Variants in SMPD3 observed in about 807,000 individuals in gnomAD.
SMPD3 encodes nSMase-2.
A neutral mutation model predicts 55.7 loss-of-function variants in SMPD3; 21 were observed. The observed-to-expected ratio is 0.38, with a 90% CI of 0.27 to 0.54. The LOEUF is 0.54. Among genes scored for constraint, SMPD3 ranks in the 20% least tolerant of loss-of-function variants. SMPD3 has a pLI of 0.80. For synonymous variants in SMPD3, 457 were observed against 404.3 expected (o/e 1.13, Z -1.56); for missense variants, 842 against 899.6 (o/e 0.94, Z 0.82).
intron 1 of SMPD3, among the ~76,000 whole-genome samples, chr16:68,406,936 G>A (rs1159428085): frequency 1.3e-5 from 2 of 152,190 alleles, no homozygotes; most frequent in Non-Finnish European, 2.9e-5. Context: ...ATGGGGGTAG[G>A]GCAGTAGAGA....
chr16:68,426,123 C>T lies in SMPD3; in HGVS notation c.-269+22230G>A, dbSNP rs182044458. On this transcript the variant is annotated intron_variant, in intron 1 of 8. Transcript: ENST00000219334. The stretch of plus-strand genomic sequence containing the variant: ...TTAGCCATCTTATCTACTACAGTAT[C>T]AATAATCCTGTTCCACTTTTGCAAG... 1.5e-4 allele frequency among the ~76,000 whole-genome samples: 23 copies of T among 152,254 alleles called. No individual in the cohort carries two copies. In the East Asian group the frequency reaches 3.3e-3, roughly 22 times the overall value.
At position 68,361,826 on chromosome 16, in the gene SMPD3, T is replaced by G. The variant is rs956723917; in HGVS notation, c.1710-67A>C. 1.9e-6 allele frequency: 3 copies of G among 1,540,062 alleles called. No homozygotes were observed. In the African/African-American group the frequency reaches 4.1e-5, roughly 21 times the overall value. On this transcript the variant is annotated intron_variant, in intron 7 of 8. Coordinates refer to ENST00000219334, the MANE Select transcript of SMPD3 (RefSeq NM_018667.4). ...CCCTGTGGGCCTGGCAGGGGCTGTG[T>G]GTGGAGCCATGGTCTCCTCCCAGTG...
In SMPD3 at chr16:68,358,579, A is replaced by C. The variant is rs7203660; in HGVS notation, c.*2627T>G. ...TACAGAAATTAAAAAAGTTTTTATA[A>C]CAGTATTTCTAAATCTCAGCAAGTT... On this transcript the variant is annotated 3_prime_UTR_variant, in exon 9 of 9. Coordinates refer to ENST00000219334, the MANE Select transcript of SMPD3 (RefSeq NM_018667.4). The C allele has an allele frequency of 0.071, 10,867 of 152,744 alleles. 1,153 individuals carry two copies. Among genetic ancestry groups the C allele is most frequent in the African/African-American group, 0.23 (9,663 of 41,544 alleles). The allele number at this position is 152,744 out of a possible 1,614,324, so 9.5% of individuals were successfully genotyped here. A position where few individuals can be genotyped will look rare whatever the true frequency, so the allele number is the denominator to read the frequency against.
chr16:68,405,408 C>G (rs894897572), intron 1 of SMPD3, among the ~76,000 whole-genome samples: 2 of 151,480 alleles, frequency 1.3e-5, no homozygotes, highest in Non-Finnish European at 2.9e-5. Flanking sequence ...AAAATTAGCC[C>G]ACGTGGTGGC....
At chr16:68,406,930 G>A (rs1236480275) in intron 1 of SMPD3, among the ~76,000 whole-genome samples, 1 of 152,182 alleles carries the variant, frequency 6.6e-6, no homozygotes, top group Admixed American at 6.5e-5. Context: ...CGGGGCATGG[G>A]GGTAGGGCAG....
At chr16:68,417,435 G>A (rs1335444962) in intron 1 of SMPD3, among the ~76,000 whole-genome samples, 2 of 152,156 alleles carry the variant, frequency 1.3e-5, no homozygotes, top group Non-Finnish European at 2.9e-5. Flanking sequence ...GCTATGCTGG[G>A]GCTGCTGACA....
At position 68,385,498 on chromosome 16, in the gene SMPD3, C is replaced by T. The variant is rs1278190062; in HGVS notation, c.-207+1100G>A. On this transcript the variant is annotated intron_variant, in intron 2 of 8. Transcript: ENST00000219334. The stretch of plus-strand genomic sequence containing the variant: ...ACTGAGCCATTGGTGAAAACTCCAA[C>T]GATCTTCTTCCTCCCTCCCTGCGAG... Among the ~76,000 whole-genome samples, 3 of 152,146 alleles carry T rather than the reference C, an allele frequency of 2.0e-5. No individual in the cohort carries two copies. The East Asian group carries it at 5.8e-4, about 29-fold the overall frequency.
At chr16:68,369,637 A>G (rs1567781879) in intron 3 of SMPD3, 1 of 152,290 alleles carries the variant, frequency 6.6e-6, no homozygotes, top group Non-Finnish European at 1.5e-5. Context: ...CCATATGCCA[A>G]AATGGGAAGG....
At chr16:68,421,006 T>G (rs758536508) in intron 1 of SMPD3, among the ~76,000 whole-genome samples, 22 of 152,198 alleles carry the variant, frequency 1.4e-4, no homozygotes, top group Non-Finnish European at 2.4e-4. Flanking sequence ...AGACTTCCCC[T>G]CTTGTCCTTC....
rs1196763796 is a variant in SMPD3 at position 68,359,110 on chromosome 16, T to TG, written c.*2095dup. ...GCCTGCTGCCCCGGGAGGGGGTGCC[T>TG]GGGTGGGGAAGCTATGTTGGGGTCT... On this transcript the variant is annotated 3_prime_UTR_variant, in exon 9 of 9. Coordinates refer to ENST00000219334, the MANE Select transcript of SMPD3 (RefSeq NM_018667.4). 6.6e-6 allele frequency: 1 copy of TG among 152,440 alleles called. No individual in the cohort carries two copies. The highest frequency in any genetic ancestry group is 1.9e-4 in the East Asian group (1 of 5,186). 9.4% of individuals were successfully genotyped at this position (152,440 alleles called of 1,614,324 possible). A position where few individuals can be genotyped will look rare whatever the true frequency, so the allele number is the denominator to read the frequency against.
At chr16:68,397,974 T>C (rs887638130) in intron 1 of SMPD3, among the ~76,000 whole-genome samples, 5 of 150,746 alleles carry the variant, frequency 3.3e-5, no homozygotes, top group Admixed American at 2.0e-4. Flanking sequence ...CAGGGAGGAA[T>C]ATGCCCCAAA....
intron 3 of SMPD3, among the ~76,000 whole-genome samples, chr16:68,366,593 C>T (rs1186555540): frequency 1.3e-5 from 2 of 152,244 alleles, no homozygotes; most frequent in African/African-American, 2.4e-5. Context: ...AGGCTGAGCA[C>T]GGTGGCTCAC....
intron 1 of SMPD3, among the ~76,000 whole-genome samples, chr16:68,395,174 A>C (rs9940621): frequency 0.49 from 73,924 of 151,906 alleles, 19,233 homozygotes; most frequent in East Asian, 0.79. Context: ...CCCCAGCCTC[A>C]TGGCTCACCT....
chr16:68,437,468 G>A (rs1268961435), intron 1 of SMPD3, among the ~76,000 whole-genome samples: 1 of 152,192 alleles, frequency 6.6e-6, no homozygotes, highest in East Asian at 1.9e-4. Flanking sequence ...TTAGTTATAT[G>A]TTTATAATCA....
chr16:68,364,929 C>T, intron 4 of SMPD3, 23 bp from the exon 5 acceptor site: 3 of 1,612,884 alleles, frequency 1.9e-6, no homozygotes, highest in Non-Finnish European at 2.5e-6. Flanking sequence ...AGTACAGAGA[C>T]TGGATGATGA....
chr16:68,411,631 C>G (rs1338444753), intron 1 of SMPD3, among the ~76,000 whole-genome samples: 1 of 152,164 alleles, frequency 6.6e-6, no homozygotes, highest in Non-Finnish European at 1.5e-5. Flanking sequence ...AAAGATGAGG[C>G]CTACACCCAG....
At chr16:68,392,810 C>A (rs1036766382) in intron 1 of SMPD3, among the ~76,000 whole-genome samples, 6 of 119,782 alleles carry the variant, frequency 5.0e-5, no homozygotes, top group African/African-American at 1.0e-4. Flanking sequence ...GCTGAGATTG[C>A]GTGACAGAAT....
chr16:68,447,975 G>A lies in SMPD3; in HGVS notation c.-269+378C>T, dbSNP rs919478450. Among the ~76,000 whole-genome samples the A allele has an allele frequency of 6.6e-6, 1 of 152,148 alleles. No individual in the cohort carries two copies. Among genetic ancestry groups the A allele is most frequent in the African/African-American group, 2.4e-5 (1 of 41,438 alleles). ...ACCTCGAGCAGCCGAAGTGTTGCGGGGAGGGGTCCCCCTGCCTCGAGTCCC... is the reference window on the plus strand; with the variant it reads ...ACCTCGAGCAGCCGAAGTGTTGCGGAGAGGGGTCCCCCTGCCTCGAGTCCC... On this transcript the variant is annotated intron_variant, in intron 1 of 8. Coordinates refer to ENST00000219334, the MANE Select transcript of SMPD3 (RefSeq NM_018667.4). The surrounding 1 kb of genome is among the most constrained non-coding windows in gnomAD (Gnocchi z 5.1).
rs1306438648 is a variant in SMPD3 at position 68,371,719 on chromosome 16, C to T, written c.463G>A (p.Gly155Arg). The T allele has an allele frequency of 6.3e-7, 1 of 1,592,682 alleles. No individual in the cohort carries two copies. The highest frequency in any genetic ancestry group is 8.6e-7 in the Non-Finnish European group (1 of 1,167,796). ...FNTQARAKEI[G>R]QRIRNGAARP... is the part of the protein sequence containing the mutation. ...GCGGCCCCATTGCGGATTCTCTGCC[C>T]GATCTCCTTGGCCCGCGCTTGGGTG... Residue 155 changes from glycine (G) to arginine (R), a missense_variant, in exon 3 of 9, where the codon GGG becomes AGG. Coordinates refer to ENST00000219334, the MANE Select transcript of SMPD3 (RefSeq NM_018667.4).
Sources: allele counts gnomAD v4.1 joint callset (sites outside exome capture counted in the v4.1 genomes callset), GRCh38; gene constraint gnomAD v4.1.1; non-coding constraint Gnocchi (gnomAD v3.1); transcripts MANE v1.5; gene names NCBI Gene and HGNC (gene_info 2026-07-23, HGNC 2026-07-21).